Variants in SIK3 observed in about 807,000 individuals in gnomAD.
SIK3 encodes serine/threonine-protein kinase SIK3.
In SIK3, 28 loss-of-function variants were observed where a neutral mutation model predicts 144.2. The observed-to-expected ratio is 0.19, with a 90% CI of 0.14 to 0.27. SIK3 has a LOEUF of 0.27. Among genes scored for constraint, SIK3 ranks in the 10% least tolerant of loss-of-function variants. The pLI, the probability that SIK3 is intolerant of heterozygous loss-of-function variation, is 1.00. For missense variants in SIK3, 1,319 were observed against 1,776.0 expected (o/e 0.74, Z 4.62); for synonymous variants, 686 against 676.3 (o/e 1.01, Z -0.22).
chr11:117,017,649 T>A (rs375868230), intron 1 of SIK3, among the ~76,000 whole-genome samples: 1 of 152,152 alleles, frequency 6.6e-6, no homozygotes, highest in African/African-American at 2.4e-5. Context: ...TAGGTCATCA[T>A]TCTAGTAGAA....
At chr11:116,854,724 G>A (rs1224774823) in intron 21 of SIK3, among the ~76,000 whole-genome samples, 3 of 152,158 alleles carry the variant, frequency 2.0e-5, no homozygotes, top group East Asian at 1.9e-4. Flanking sequence ...TAAGCCTTTC[G>A]TGACAGAAGT....
intron 1 of SIK3, among the ~76,000 whole-genome samples, chr11:116,982,943 CAAAAAAAAA>C (rs35698580): frequency 2.9e-5 from 2 of 69,856 alleles, no homozygotes; most frequent in Admixed American, 4.0e-4. Context: ...GACTCCGTCT[CAAAAAAAAA>C]AAAAAAAAAA....
At chr11:117,040,586 G>A (rs1051423176) in intron 1 of SIK3, among the ~76,000 whole-genome samples, 1 of 152,152 alleles carries the variant, frequency 6.6e-6, no homozygotes, top group Non-Finnish European at 1.5e-5. Flanking sequence ...AGATATCAGG[G>A]AAGGTCTCAT....
At position 116,858,237 on chromosome 11, in the gene SIK3, C is replaced by G. The variant is rs772505893; in HGVS notation, c.3228G>C (p.Gly1076=). The part of the protein sequence containing the change: ...LFRHMNQGDA[G]SLAPSLGGQS... ...GTCCCCCAAGGCTGGGAGCCAGACT[C>G]CCCGCATCCCCTTGGTTCATGTGCC... is the stretch of plus-strand genomic sequence containing the variant. The change falls in exon 21 of 25, where the codon GGG becomes GGC. Residue 1076 remains glycine, a synonymous_variant. Transcript: ENST00000445177. This position sits in a 1 kb window ranked among gnomAD's most constrained non-coding sequence, Gnocchi z 5.4. The G allele has an allele frequency of 6.2e-7, 1 of 1,614,100 alleles. No individual in the cohort carries two copies. Among genetic ancestry groups the G allele is most frequent in the Non-Finnish European group, 8.5e-7 (1 of 1,179,992 alleles).
chr11:116,858,155 G>C lies in SIK3; in HGVS notation c.3310C>G (p.His1104Asp). The C allele has an allele frequency of 6.2e-7, 1 of 1,614,206 alleles. No individual in the cohort carries two copies. The highest frequency in any genetic ancestry group is 8.5e-7 in the Non-Finnish European group (1 of 1,180,052). ...TGTAGCAGATGCTGGGGGCTGGTGT[G>C]ATGGTGATAAGAGTCAGCATTTTGA... is the stretch of plus-strand genomic sequence containing the variant. ...SYQNADSYHH[H>D]TSPQHLLQIR... Residue 1104 changes from histidine to aspartate, a missense_variant, in exon 21 of 25, where the codon CAC becomes GAC. His to Asp is a moderately conservative substitution (Grantham distance 81). Coordinates refer to ENST00000445177, the MANE Select transcript of SIK3 (RefSeq NM_001366686.3). The surrounding 1 kb of genome is among the most constrained non-coding windows in gnomAD (Gnocchi z 5.4).
chr11:116,858,603 G>A lies in SIK3; in HGVS notation c.2862C>T (p.Tyr954=), dbSNP rs773152217. The A allele has an allele frequency of 5.0e-6, 8 of 1,612,864 alleles. No homozygotes were observed. The Admixed American group carries it at 1.2e-4, about 24-fold the overall frequency. Residue 954 remains tyrosine (Y), a synonymous_variant, in exon 21 of 25, where the codon TAC becomes TAT. Coordinates refer to ENST00000445177, the MANE Select transcript of SIK3 (RefSeq NM_001366686.3). The surrounding 1 kb of genome is among the most constrained non-coding windows in gnomAD (Gnocchi z 5.4). ...SDQSRGSPSS[Y]SPSTGVGFSP... ...AGAACCCCACTCCTGTTGAAGGGCTGTAGCTGCTGGGGGAACCCCGGGACT... is the reference window on the plus strand; with the variant it reads ...AGAACCCCACTCCTGTTGAAGGGCTATAGCTGCTGGGGGAACCCCGGGACT...
chr11:116,858,496 T>C lies in SIK3; in HGVS notation c.2969A>G (p.Tyr990Cys). The C allele has an allele frequency of 1.2e-6, 2 of 1,610,572 alleles. No individual in the cohort carries two copies. Among genetic ancestry groups the C allele is most frequent in the Non-Finnish European group, 1.7e-6 (2 of 1,178,210 alleles). Residue 990 changes from tyrosine (Y) to cysteine (C), a missense_variant, in exon 21 of 25, where the codon TAT (tyrosine) becomes TGT (cysteine). Physicochemically the swap from Tyr to Cys is radical, Grantham distance 194 (BLOSUM62 -2). Around this residue, in one of 8 missense-constraint regions of SIK3, gnomAD observed 646 missense variants for 763.7 expected, o/e 0.85. Transcript: ENST00000445177. The surrounding 1 kb of genome is among the most constrained non-coding windows in gnomAD (Gnocchi z 5.4). Reference sequence around the variant, plus strand: ...GGCCTGCTGTAGTGCCGACGTGGTATAGTGTGGCGGCTGCTGATGTGCACT... The same window carrying C: ...GGCCTGCTGTAGTGCCGACGTGGTACAGTGTGGCGGCTGCTGATGTGCACT... The part of the protein sequence containing the change: ...PPSAHQQPPH[Y>C]TTSALQQALL...
At chr11:117,010,159 A>T (rs1951199416) in intron 1 of SIK3, among the ~76,000 whole-genome samples, 1 of 152,116 alleles carries the variant, frequency 6.6e-6, no homozygotes, top group Non-Finnish European at 1.5e-5. Context: ...TTCCTTATTC[A>T]CAATGGGCCC....
At chr11:116,984,782 T>C (rs914234678) in intron 1 of SIK3, among the ~76,000 whole-genome samples, 1 of 152,126 alleles carries the variant, frequency 6.6e-6, no homozygotes, top group African/African-American at 2.4e-5. Context: ...ACCAAGGCCA[T>C]TACGCAATTT....
chr11:117,037,175 A>G (rs910204919), intron 1 of SIK3, among the ~76,000 whole-genome samples: 2 of 152,156 alleles, frequency 1.3e-5, no homozygotes, highest in Non-Finnish European at 2.9e-5. Flanking sequence ...TGCTGCAAAA[A>G]AGGGAAAAAC....
At chr11:116,973,912 A>T (rs1949853642) in intron 1 of SIK3, among the ~76,000 whole-genome samples, 1 of 152,214 alleles carries the variant, frequency 6.6e-6, no homozygotes, top group African/African-American at 2.4e-5. Flanking sequence ...GAGAAACCTA[A>T]GGAGACATGG....
intron 3 of SIK3, among the ~76,000 whole-genome samples, chr11:116,944,651 C>T (rs1046344466): frequency 3.3e-4 from 50 of 152,202 alleles, no homozygotes. Context: ...CTCCTGGACT[C>T]TGCACTTCCT....
At chr11:116,898,990 T>C (rs998597988) in intron 4 of SIK3, among the ~76,000 whole-genome samples, 39 of 149,278 alleles carry the variant, frequency 2.6e-4, no homozygotes, top group Non-Finnish European at 4.7e-4. Flanking sequence ...ATCCCACTTG[T>C]CAATTTTGGC....
intron 1 of SIK3, among the ~76,000 whole-genome samples, chr11:117,020,246 T>TATATACACAC: frequency 5.9e-4 from 74 of 126,420 alleles, no homozygotes; most frequent in Middle Eastern, 4.1e-3. Context: ...CATATATATA[T>TATATACACAC]ACACATACAT....
At chr11:117,083,036 G>A (rs1333475513) in intron 1 of SIK3, among the ~76,000 whole-genome samples, 1 of 152,134 alleles carries the variant, frequency 6.6e-6, no homozygotes, top group Non-Finnish European at 1.5e-5. Context: ...TTTAGGTAAT[G>A]CAACTAAATT....
chr11:116,868,397 A>T (rs917075165), intron 14 of SIK3, among the ~76,000 whole-genome samples: 1 of 152,214 alleles, frequency 6.6e-6, no homozygotes, highest in African/African-American at 2.4e-5. Flanking sequence ...AGAAGAATTT[A>T]TTTTCTCCAT....
chr11:116,892,790 A>G (rs1274448420), intron 6 of SIK3, among the ~76,000 whole-genome samples: 1 of 152,246 alleles, frequency 6.6e-6, no homozygotes, highest in East Asian at 1.9e-4. Flanking sequence ...AGCTTTATTC[A>G]TAATTGTCAA....
intron 1 of SIK3, among the ~76,000 whole-genome samples, chr11:117,092,037 GC>G (rs945444901): frequency 2.6e-5 from 4 of 151,472 alleles, no homozygotes; most frequent in Non-Finnish European, 4.4e-5. Flanking sequence ...CCTGCCTCAT[GC>G]CCCCCCAAAG....
At chr11:116,909,101 C>T (rs936740219) in intron 4 of SIK3, among the ~76,000 whole-genome samples, 2 of 151,998 alleles carry the variant, frequency 1.3e-5, no homozygotes, top group Non-Finnish European at 2.9e-5. Flanking sequence ...ATGAATAAAT[C>T]GCAGCTATAC....
Sources: gnomAD v4.1 joint callset for allele counts (sites outside exome capture counted in the v4.1 genomes callset) on GRCh38, gnomAD v4.1.1 for gene constraint, gnomAD v4.1.1 regional missense constraint, Gnocchi (gnomAD v3.1) non-coding constraint, MANE v1.5 for transcripts, NCBI Gene and HGNC (gene_info 2026-07-23, HGNC 2026-07-21) for gene names.